Variants in SPSB4 observed in about 807,000 individuals in gnomAD.
SPSB4 encodes the protein SPRY domain-containing SOCS box protein 4.
SPSB4 carries 21 observed loss-of-function variants against 20.9 expected under a neutral mutation model. That is an observed-to-expected ratio of 1.01 (90% CI 0.71 to 1.45). The LOEUF (loss-of-function observed/expected upper bound fraction) is 1.45, where lower values mean the gene tolerates loss of function less well. Among genes scored for constraint, SPSB4 ranks in the 40% most tolerant of loss-of-function variants. The pLI, the probability that SPSB4 is intolerant of heterozygous loss-of-function variation, is 0.00. For synonymous variants in SPSB4, 207 were observed against 183.8 expected (o/e 1.13, Z -1.02); for missense variants, 399 against 399.2 (o/e 1.00, Z 0.00).
chr3:141,086,028 TAGG>T (rs1392598055), intron 2 of SPSB4, among the ~76,000 whole-genome samples: 4 of 152,236 alleles, frequency 2.6e-5, no homozygotes, highest in Admixed American at 6.5e-5. Flanking sequence ...GAGCATGAAT[TAGG>T]AGGAAAGAAG....
chr3:141,060,874 G>A (rs1937748064), intron 1 of SPSB4, among the ~76,000 whole-genome samples: 1 of 152,126 alleles, frequency 6.6e-6, no homozygotes. Flanking sequence ...AGTATACATT[G>A]AGTATCTTTT....
At chr3:141,055,851 C>T (rs912441399) in intron 1 of SPSB4, among the ~76,000 whole-genome samples, 1 of 152,184 alleles carries the variant, frequency 6.6e-6, no homozygotes, top group African/African-American at 2.4e-5. Context: ...AAGAGGTCAG[C>T]TGGCCTTACA....
chr3:141,120,812 C>T (rs1354487988), intron 2 of SPSB4, among the ~76,000 whole-genome samples: 8 of 152,174 alleles, frequency 5.3e-5, no homozygotes, highest in African/African-American at 1.7e-4. Context: ...TGTCTCTGCA[C>T]GTGAGATGGG....
At chr3:141,097,756 GAGC>G in intron 2 of SPSB4, among the ~76,000 whole-genome samples, 1 of 123,586 alleles carries the variant, frequency 8.1e-6, no homozygotes, top group Non-Finnish European at 1.8e-5. Flanking sequence ...TGGTCCCACA[GAGC>G]AAAAGGTCAG....
intron 2 of SPSB4, among the ~76,000 whole-genome samples, chr3:141,070,019 A>G (rs897453234): frequency 6.6e-6 from 1 of 152,172 alleles, no homozygotes; most frequent in African/African-American, 2.4e-5. Context: ...GCAAATGCAT[A>G]ACATTGTCAA....
chr3:141,146,512 C>A (rs1191711509), intron 2 of SPSB4, among the ~76,000 whole-genome samples: 2 of 152,158 alleles, frequency 1.3e-5, no homozygotes. Flanking sequence ...CGCGGTGGCT[C>A]ACGCCTGTAA....
chr3:141,092,724 C>T (rs1938479230), intron 2 of SPSB4, among the ~76,000 whole-genome samples: 3 of 152,240 alleles, frequency 2.0e-5, no homozygotes, highest in African/African-American at 7.2e-5. Flanking sequence ...GCAGCCTGGG[C>T]ACTGTCCCAA....
At chr3:141,090,241 A>G (rs1032342590) in intron 2 of SPSB4, among the ~76,000 whole-genome samples, 1 of 152,234 alleles carries the variant, frequency 6.6e-6, no homozygotes, top group Non-Finnish European at 1.5e-5. Flanking sequence ...AGTACCTACT[A>G]CATGCCAAGC....
chr3:141,054,518 T>C (rs1476609074), intron 1 of SPSB4, among the ~76,000 whole-genome samples: 1 of 152,224 alleles, frequency 6.6e-6, no homozygotes, highest in African/African-American at 2.4e-5. Flanking sequence ...TTTGAGGCTA[T>C]AGGAAAAACA....
At chr3:141,104,571 C>T (rs1436531411) in intron 2 of SPSB4, among the ~76,000 whole-genome samples, 1 of 152,112 alleles carries the variant, frequency 6.6e-6, no homozygotes, top group Non-Finnish European at 1.5e-5. Context: ...GAGGAGATGG[C>T]CAGGCGGGAA....
At chr3:141,092,553 C>T (rs1938474552) in intron 2 of SPSB4, among the ~76,000 whole-genome samples, 1 of 152,220 alleles carries the variant, frequency 6.6e-6, no homozygotes, top group Admixed American at 6.5e-5. Flanking sequence ...GAACTGGACT[C>T]TGCCAGAATA....
At chr3:141,059,363 C>T (rs140930846) in intron 1 of SPSB4, among the ~76,000 whole-genome samples, 13 of 152,212 alleles carry the variant, frequency 8.5e-5, no homozygotes, top group African/African-American at 2.6e-4. Flanking sequence ...AGTTGGCTCA[C>T]GGTTCTGCAG....
intron 2 of SPSB4, among the ~76,000 whole-genome samples, chr3:141,122,055 T>C (rs1190469075): frequency 1.3e-5 from 2 of 152,228 alleles, no homozygotes; most frequent in African/African-American, 4.8e-5. Context: ...TGTGGTTTTA[T>C]CTACGTTTGG....
chr3:141,108,088 G>A (rs149660531), intron 2 of SPSB4, among the ~76,000 whole-genome samples: 187 of 152,254 alleles, frequency 1.2e-3, no homozygotes, highest in African/African-American at 4.0e-3. Flanking sequence ...TCTGGTGCAA[G>A]CCCCTTCTGC....
chr3:141,134,016 T>C (rs1441275020), intron 2 of SPSB4, among the ~76,000 whole-genome samples: 4 of 147,176 alleles, frequency 2.7e-5, no homozygotes, highest in Non-Finnish European at 6.0e-5. Flanking sequence ...TAAGTATTTT[T>C]CCTTTTTTTT....
rs1937859744 is a variant in SPSB4, at chr3:141,066,038, GC to G, written c.-66del. ...TTCCCAGCCCCGTGGCCCATTCCTG[GC>G]TACGGGGAGTGGAGGCTCCCACGAG... On this transcript the variant is annotated 5_prime_UTR_variant, in exon 2 of 3. It removes the in-frame stop codon of an upstream open reading frame in the 5' UTR. Coordinates refer to ENST00000310546, the MANE Select transcript of SPSB4 (RefSeq NM_080862.3). The G allele has an allele frequency of 4.4e-6, 6 of 1,368,752 alleles. No individual in the cohort carries two copies. In the South Asian group the frequency reaches 9.0e-5, roughly 21 times the overall value. 84.8% of individuals were successfully genotyped at this position (1,368,752 alleles called of 1,614,324 possible).
At chr3:141,137,568 C>T (rs1046915116) in intron 2 of SPSB4, among the ~76,000 whole-genome samples, 2 of 152,134 alleles carry the variant, frequency 1.3e-5, no homozygotes, top group African/African-American at 4.8e-5. Context: ...TTGTCAAAGG[C>T]CTTTTCTGCA....
chr3:141,052,821 T>A (rs1282328310), intron 1 of SPSB4, among the ~76,000 whole-genome samples: 1 of 152,014 alleles, frequency 6.6e-6, no homozygotes, highest in African/African-American at 2.4e-5. Flanking sequence ...GCGCGGCAAA[T>A]GTGTCCGCCC....
Position 141,051,657 on chromosome 3 carries a change from C to A in SPSB4, c.-489C>A, listed in dbSNP as rs1484821031. The A allele has an allele frequency of 6.6e-6, 1 of 152,010 alleles. No homozygotes were observed. The highest frequency in any genetic ancestry group is 2.0e-4 in the East Asian group (1 of 5,120). The allele number at this position is 152,010 out of a possible 1,614,324, so 9.4% of individuals were successfully genotyped here. A position where few individuals can be genotyped will look rare whatever the true frequency, so the allele number is the denominator to read the frequency against. On this transcript the variant is annotated 5_prime_UTR_variant, in exon 1 of 3. Transcript: ENST00000310546. ...GGGACTCGTCGCCCTCCGGGTCAGG[C>A]GCCAAGCTTCCAAGCGGCTAGAGCG... is the stretch of plus-strand genomic sequence containing the variant.
Sources: allele counts gnomAD v4.1 joint callset (sites outside exome capture counted in the v4.1 genomes callset), GRCh38; gene constraint gnomAD v4.1.1; transcripts MANE v1.5; gene names NCBI Gene and HGNC (gene_info 2026-07-23, HGNC 2026-07-21).